Variants in ARHGEF3 observed in about 807,000 individuals in gnomAD.
The protein encoded by ARHGEF3 is Rho guanine nucleotide exchange factor 3, also known as 59.8 kDA protein.
In ARHGEF3, 28 loss-of-function variants were observed where a neutral mutation model predicts 63.2. That is an observed-to-expected ratio of 0.44 (90% CI 0.33 to 0.61). ARHGEF3 has a LOEUF of 0.61. Ranked by LOEUF, ARHGEF3 falls within the 20% of genes least tolerant of loss-of-function variation. ARHGEF3 has a pLI of 0.03. For synonymous variants in ARHGEF3, 266 were observed against 254.2 expected (o/e 1.05, Z -0.44); for missense variants, 533 against 659.3 (o/e 0.81, Z 2.10).
At chr3:57,052,033 C>T (rs182686503) in intron 1 of ARHGEF3, among the ~76,000 whole-genome samples, 1 of 152,206 alleles carries the variant, frequency 6.6e-6, no homozygotes, top group African/African-American at 2.4e-5. Flanking sequence ...GTATGCTAGG[C>T]ACTCTTCTAA....
At chr3:56,953,652 T>C (rs1057414254) in intron 3 of ARHGEF3, among the ~76,000 whole-genome samples, 13 of 152,288 alleles carry the variant, frequency 8.5e-5, no homozygotes, top group Non-Finnish European at 1.8e-4. Context: ...TTCTTGACCA[T>C]AGCGATTGGC....
intron 2 of ARHGEF3, among the ~76,000 whole-genome samples, chr3:56,983,054 TAA>T (rs35406556): frequency 6.6e-6 from 1 of 151,746 alleles, no homozygotes; most frequent in African/African-American, 2.4e-5. Flanking sequence ...AAGTAAGCAA[TAA>T]AAAAAATAAT....
intron 9 of ARHGEF3, among the ~76,000 whole-genome samples, chr3:56,730,936 T>TGG (rs1402006038): frequency 6.6e-6 from 1 of 152,220 alleles, no homozygotes; most frequent in East Asian, 1.9e-4. Flanking sequence ...CCTTTGATCT[T>TGG]GGGCAAGTAC....
intron 3 of ARHGEF3, among the ~76,000 whole-genome samples, chr3:56,934,400 T>G (rs1167514916): frequency 1.3e-5 from 2 of 152,240 alleles, no homozygotes; most frequent in African/African-American, 4.8e-5. Context: ...CACTGCACTG[T>G]GGGAGCCCCT....
intron 3 of ARHGEF3, among the ~76,000 whole-genome samples, chr3:56,902,501 C>T (rs1056138244): frequency 6.6e-6 from 1 of 152,216 alleles, no homozygotes; most frequent in Non-Finnish European, 1.5e-5. Context: ...ACCCCTCTCC[C>T]TACATCCTTT....
intron 2 of ARHGEF3, among the ~76,000 whole-genome samples, chr3:56,757,969 G>A (rs1032340861): frequency 6.7e-6 from 1 of 149,744 alleles, no homozygotes; most frequent in South Asian, 2.2e-4. Flanking sequence ...TGATCCGCCC[G>A]CCTCGGCCTC....
rs557607186 is a variant in ARHGEF3, at chr3:56,981,263, T to C, written c.63-22374A>G. ...GCTGTTGGTAGTCATGTTTCAACTA[T>C]GGCCTACTCATAAGTTTGCACTGGA... On this transcript the variant is annotated intron_variant, in intron 2 of 12. Transcript: ENST00000338458. 4.6e-5 allele frequency among the ~76,000 whole-genome samples: 7 copies of C among 152,382 alleles called. No individual in the cohort carries two copies. The East Asian group carries it at 1.2e-3, about 25-fold the overall frequency.
At chr3:56,965,715 C>G (rs969674047) in intron 2 of ARHGEF3, among the ~76,000 whole-genome samples, 1 of 144,500 alleles carries the variant, frequency 6.9e-6, no homozygotes, top group African/African-American at 2.6e-5. Context: ...GTGGCACAAT[C>G]TCGGCTCACT....
intron 2 of ARHGEF3, among the ~76,000 whole-genome samples, chr3:57,010,339 C>T (rs941421272): frequency 1.2e-4 from 18 of 151,928 alleles, no homozygotes; most frequent in Non-Finnish European, 1.3e-4. Flanking sequence ...GCCTGTAGTC[C>T]CAGCTACTTG....
At chr3:56,952,819 G>A (rs939775024) in intron 3 of ARHGEF3, among the ~76,000 whole-genome samples, 1 of 152,274 alleles carries the variant, frequency 6.6e-6, no homozygotes, top group East Asian at 1.9e-4. Flanking sequence ...AAGTCGAAGA[G>A]AGTAGAAGGA....
chr3:56,954,747 G>A (rs555263580), intron 3 of ARHGEF3, among the ~76,000 whole-genome samples: 13 of 152,268 alleles, frequency 8.5e-5, no homozygotes, highest in African/African-American at 2.9e-4. Context: ...ATGACAATCC[G>A]GGAAAGGGCT....
intron 3 of ARHGEF3, among the ~76,000 whole-genome samples, chr3:56,923,299 ATTTTTCC>A (rs745612272): frequency 0.11 from 16,208 of 151,308 alleles, 1,209 homozygotes; most frequent in East Asian, 0.25. Flanking sequence ...ATAGGTTTTA[ATTTTTCC>A]ATAATAAAAT....
intron 4 of ARHGEF3, chr3:56,882,270 G>C: frequency 1.3e-6 from 2 of 1,546,906 alleles, no homozygotes; most frequent in Non-Finnish European, 1.7e-6. Flanking sequence ...GTGCCAGTGG[G>C]GGAAGAAAGG....
intron 3 of ARHGEF3, among the ~76,000 whole-genome samples, chr3:56,934,742 C>A (rs2042508968): frequency 6.6e-6 from 1 of 152,264 alleles, no homozygotes; most frequent in Non-Finnish European, 1.5e-5. Context: ...GTGCCTGAGC[C>A]TCCCACCCAC....
chr3:56,990,842 T>C (rs1220418152), intron 2 of ARHGEF3, among the ~76,000 whole-genome samples: 1 of 152,138 alleles, frequency 6.6e-6, no homozygotes, highest in African/African-American at 2.4e-5. Flanking sequence ...CCCAGCTCTA[T>C]CTGTGAGGCT....
At chr3:57,032,295 G>A (rs1703765588) in intron 2 of ARHGEF3, among the ~76,000 whole-genome samples, 1 of 152,206 alleles carries the variant, frequency 6.6e-6, no homozygotes, top group Admixed American at 6.5e-5. Context: ...CTGTTCATAT[G>A]CTGGACAGGG....
At position 56,751,047 on chromosome 3, in the gene ARHGEF3, C is replaced by T; in HGVS notation, c.612+9G>A. 6.2e-7 allele frequency: 1 copy of T among 1,609,076 alleles called. No homozygotes were observed. Among genetic ancestry groups the T allele is most frequent in the South Asian group, 1.1e-5 (1 of 90,344 alleles). ...TTTATCTTCAATAAAGACCAGAGAA[C>T]TTTCTTACCCAGCCCACGAGGATGG... is the stretch of plus-strand genomic sequence containing the variant. On this transcript the variant is annotated intron_variant, in intron 6 of 9. Transcript: ENST00000296315.
chr3:56,923,981 A>G (rs773743227), intron 3 of ARHGEF3, among the ~76,000 whole-genome samples: 2 of 152,208 alleles, frequency 1.3e-5, no homozygotes, highest in Non-Finnish European at 1.5e-5. Context: ...TGTCCCTTTA[A>G]GTCAGACTTC....
chr3:56,801,330 C>G (rs1422431252), intron 1 of ARHGEF3, among the ~76,000 whole-genome samples: 4 of 152,140 alleles, frequency 2.6e-5, no homozygotes, highest in Non-Finnish European at 1.5e-5. Flanking sequence ...TGACACTTCC[C>G]TGACACTGGG....
Sources: allele counts gnomAD v4.1 joint callset (sites outside exome capture counted in the v4.1 genomes callset), GRCh38; gene constraint gnomAD v4.1.1; transcripts MANE v1.5; gene names NCBI Gene and HGNC (gene_info 2026-07-23, HGNC 2026-07-21).